NOC3L: variants seen among roughly 807,000 people sequenced by gnomAD.
NOC3L encodes the protein nucleolar complex protein 3 homolog.
Under a neutral mutation model 102.5 loss-of-function variants are expected in NOC3L, and 85 were observed. The observed-to-expected ratio is 0.83, with a 90% CI of 0.70 to 0.99. The LOEUF (loss-of-function observed/expected upper bound fraction) is 0.99, where lower values mean the gene tolerates loss of function less well. NOC3L is among the 50% of genes least tolerant of loss of function. NOC3L has a pLI of 0.00. For synonymous variants in NOC3L, 303 were observed against 309.4 expected (o/e 0.98, Z 0.22); for missense variants, 878 against 914.9 (o/e 0.96, Z 0.52).
intron 9 of NOC3L, 102 bp from the exon 10 acceptor site, chr10:94,349,480 G>A (rs535720582): frequency 4.7e-5 from 47 of 1,007,120 alleles, no homozygotes; most frequent in Non-Finnish European, 5.4e-5. Context: ...GTCCTAGGAT[G>A]TTTAAAAGCC....
chr10:94,354,300 T>A (rs924963710), intron 6 of NOC3L, among the ~76,000 whole-genome samples: 1 of 152,238 alleles, frequency 6.6e-6, no homozygotes. Context: ...ATAGTATCAT[T>A]TTATATGACT....
Position 94,356,210 on chromosome 10 carries a change from G to A in NOC3L, c.565+325C>T, listed in dbSNP as rs2054481392. Reference sequence around the variant, plus strand: ...TACAGAATCGCTTTTGTAATTTAAAGCTAAAAAGTTAACAGTTATTTGTAA... The same window carrying A: ...TACAGAATCGCTTTTGTAATTTAAAACTAAAAAGTTAACAGTTATTTGTAA... On this transcript the variant is annotated intron_variant, in intron 5 of 20. Transcript: ENST00000371361. Among the ~76,000 whole-genome samples the A allele has an allele frequency of 2.6e-5, 4 of 152,066 alleles. No individual in the cohort carries two copies. The South Asian group carries it at 8.3e-4, about 31-fold the overall frequency.
intron 11 of NOC3L, among the ~76,000 whole-genome samples, chr10:94,346,126 T>C (rs1013011497): frequency 2.0e-5 from 3 of 152,222 alleles, no homozygotes; most frequent in Non-Finnish European, 4.4e-5. Flanking sequence ...GCATCTTTTC[T>C]GTTAAGGAAG....
chr10:94,345,292 A>G (rs2054330432), intron 11 of NOC3L, among the ~76,000 whole-genome samples: 1 of 152,044 alleles, frequency 6.6e-6, no homozygotes, highest in African/African-American at 2.4e-5. Flanking sequence ...AAGTTTTTCA[A>G]AAAAGAAAAA....
the NOC3L span, among the ~76,000 whole-genome samples, chr10:94,326,912 G>A: frequency 6.6e-6 from 1 of 152,158 alleles, no homozygotes; most frequent in Non-Finnish European, 1.5e-5. Context: ...TGTAATCCCA[G>A]CACTTTGGGA....
the NOC3L span, among the ~76,000 whole-genome samples, chr10:94,326,847 C>T: frequency 6.6e-6 from 1 of 152,150 alleles, no homozygotes; most frequent in Admixed American, 6.5e-5. Context: ...ATTCTGTTAA[C>T]TTCACAGCTT....
At chr10:94,339,271 T>C (rs191356878) in intron 17 of NOC3L, among the ~76,000 whole-genome samples, 1 of 152,330 alleles carries the variant, frequency 6.6e-6, no homozygotes. Context: ...AAATTAAATT[T>C]TTGTAAGGCA....
the NOC3L span, among the ~76,000 whole-genome samples, chr10:94,315,933 C>A: frequency 2.6e-4 from 39 of 151,760 alleles, no homozygotes; most frequent in African/African-American, 9.2e-4. Flanking sequence ...AAGTATCTTA[C>A]CCAATAATTC....
chr10:94,317,248 C>CT, the NOC3L span, among the ~76,000 whole-genome samples: 1 of 151,716 alleles, frequency 6.6e-6, no homozygotes, highest in African/African-American at 2.4e-5. Flanking sequence ...GAACAAGACT[C>CT]TGTCTCAAAA....
chr10:94,358,931 CCAA>C (rs1473377488), intron 2 of NOC3L, among the ~76,000 whole-genome samples: 1 of 152,062 alleles, frequency 6.6e-6, no homozygotes, highest in Non-Finnish European at 1.5e-5. Flanking sequence ...TAACAAAATC[CCAA>C]CAACAGATCA....
In NOC3L at chr10:94,334,205, G is replaced by T; in HGVS notation, c.2375C>A (p.Thr792Lys). Residue 792 changes from threonine (T) to lysine (K), a missense_variant, in exon 21 of 21, where the codon ACG (threonine) becomes AAG (lysine). Transcript: ENST00000371361. ...GTGTAGTGATGTTTTCAAATATTTC[G>T]TGAAATCCAGAGGCGATTCAGTAGC... The part of the protein sequence containing the change: ...EVATESPLDF[T>K]KYLKTSLH 1 of 1,574,410 alleles carries T rather than the reference G, an allele frequency of 6.4e-7. No homozygotes were observed. The highest frequency in any genetic ancestry group is 8.7e-7 in the Non-Finnish European group (1 of 1,144,990).
chr10:94,357,263 G>A lies in NOC3L; in HGVS notation c.419C>T (p.Thr140Ile), dbSNP rs751658073. 2.5e-6 allele frequency: 4 copies of A among 1,608,976 alleles called. No homozygotes were observed. In the South Asian group the frequency reaches 3.3e-5, roughly 13 times the overall value. The change falls in exon 4 of 21, where the codon ACT becomes ATT. Residue 140 changes from threonine to isoleucine, a missense_variant. Coordinates refer to ENST00000371361, the MANE Select transcript of NOC3L (RefSeq NM_022451.11). ...TTCCTTCTCTGGTGCAGTTTGCAGA[G>A]TTCTTGGTATTTTTTCATATTTATC... ...IIDKYEKIPR[T>I]LQTAPEKELI...
rs2054397827 is a variant in NOC3L, at chr10:94,350,157, T to C, written c.1084A>G (p.Ile362Val). The C allele has an allele frequency of 4.3e-6, 7 of 1,614,058 alleles. No individual in the cohort carries two copies. The African/African-American group carries it at 8.0e-5, about 18-fold the overall frequency. ...ALPHFNFHNNIIVLIVPLMND... is the reference protein window; with the variant it reads ...ALPHFNFHNNVIVLIVPLMND... ...ATGAGAGGGACAATCAATACGATGATGTTGTTGTGAAAGTTAAAATGAGGT... is the reference window on the plus strand; with the variant it reads ...ATGAGAGGGACAATCAATACGATGACGTTGTTGTGAAAGTTAAAATGAGGT... Residue 362 changes from isoleucine (I) to valine (V), a missense_variant, in exon 9 of 21, where the codon ATC becomes GTC. Ile to Val is a conservative substitution (Grantham distance 29, BLOSUM62 3). Transcript: ENST00000371361.
downstream of NOC3L, chr10:94,330,686 C>T (rs1230954929): frequency 7.3e-6 from 1 of 136,252 alleles, no homozygotes; most frequent in African/African-American, 2.9e-5. Flanking sequence ...AGTGAGACTC[C>T]ATCTCAAAAA....
intron 20 of NOC3L, 143 bp from the exon 21 acceptor site, chr10:94,334,448 C>A: frequency 1.5e-6 from 1 of 656,450 alleles, no homozygotes; most frequent in East Asian, 2.7e-5. Context: ...TGGACATATC[C>A]TATATTGAAC....
the NOC3L span, among the ~76,000 whole-genome samples, chr10:94,326,224 G>A: frequency 1.3e-5 from 2 of 152,154 alleles, no homozygotes; most frequent in African/African-American, 4.8e-5. Context: ...TTCACCATCT[G>A]CCTTTATGAC....
intron 19 of NOC3L, among the ~76,000 whole-genome samples, chr10:94,335,823 G>C (rs904255036): frequency 6.6e-6 from 1 of 152,136 alleles, no homozygotes; most frequent in Non-Finnish European, 1.5e-5. Flanking sequence ...AAACCAATGG[G>C]CTTGCAAACG....
rs1295381679 is a variant in NOC3L, at chr10:94,338,789, G to A, written c.1963-53C>T. ...GGTTAAATTAACATTGTTAATATAA[G>A]AGGTGTTACTGGTTTGTAGTTGTAT... is the stretch of plus-strand genomic sequence containing the variant. On this transcript the variant is annotated intron_variant, in intron 17 of 20. Coordinates refer to ENST00000371361, the MANE Select transcript of NOC3L (RefSeq NM_022451.11). 6 of 1,516,076 alleles carry A rather than the reference G, an allele frequency of 4.0e-6. No homozygotes were observed. In the African/African-American group the frequency reaches 6.9e-5, roughly 17 times the overall value. 93.9% of individuals were successfully genotyped at this position (1,516,076 alleles called of 1,614,324 possible). A position where few individuals can be genotyped will look rare whatever the true frequency, so the allele number is the denominator to read the frequency against.
chr10:94,338,901 A>T (rs2054251340), intron 17 of NOC3L, among the ~76,000 whole-genome samples, 165 bp from the exon 18 acceptor site: 3 of 152,252 alleles, frequency 2.0e-5, no homozygotes, highest in African/African-American at 7.2e-5. Flanking sequence ...TTTATATAGT[A>T]AGAACAAGAG....
Sources: gnomAD v4.1 joint callset for allele counts (sites outside exome capture counted in the v4.1 genomes callset) on GRCh38, gnomAD v4.1.1 for gene constraint, MANE v1.5 for transcripts, NCBI Gene and HGNC (gene_info 2026-07-23, HGNC 2026-07-21) for gene names.